The following GNB5 variants were observed in gnomAD, a reference collection of about 807,000 sequenced individuals.
GNB5 encodes the protein guanine nucleotide-binding protein subunit beta-5.
A neutral mutation model predicts 55.3 loss-of-function variants in GNB5; 37 were observed. The ratio of observed to expected loss-of-function variants is 0.67; its 90% confidence interval spans 0.51 to 0.88. The LOEUF (loss-of-function observed/expected upper bound fraction) is 0.88, where lower values mean the gene tolerates loss of function less well. Ranked by LOEUF, GNB5 falls within the 40% of genes least tolerant of loss-of-function variation. The pLI is 0.00. For synonymous variants in GNB5, 219 were observed against 198.5 expected (o/e 1.10, Z -0.87); for missense variants, 476 against 515.3 (o/e 0.92, Z 0.74).
chr15:52,135,471 G>A (rs2033679110), intron 8 of GNB5, 142 bp downstream of exon 8: 1 of 754,214 alleles, frequency 1.3e-6, no homozygotes, highest in African/African-American at 1.8e-5. Context: ...CAGGAGCTGG[G>A]GGTTTAGTGG....
chr15:52,173,747 A>T (rs1243764684), intron 3 of GNB5, among the ~76,000 whole-genome samples: 1 of 152,180 alleles, frequency 6.6e-6, no homozygotes, highest in Non-Finnish European at 1.5e-5. Context: ...GAGTAGCTAC[A>T]AAATCTTAGG....
intron 5 of GNB5, chr15:52,149,444 T>C: frequency 2.8e-6 from 1 of 356,796 alleles, no homozygotes; most frequent in Non-Finnish European, 5.1e-6. Context: ...CATCACAGGG[T>C]AGCTCTGCCC....
At chr15:52,128,813 G>T in intron 9 of GNB5, 1 of 446,602 alleles carries the variant, frequency 2.2e-6, no homozygotes, top group African/African-American at 2.0e-5. Flanking sequence ...AATTATTACT[G>T]CTATAGTCAT....
At chr15:52,158,266 G>A (rs1404079652) in intron 3 of GNB5, among the ~76,000 whole-genome samples, 2 of 152,042 alleles carry the variant, frequency 1.3e-5, no homozygotes, top group Non-Finnish European at 2.9e-5. Flanking sequence ...GTACTTTCTC[G>A]CCACCTCTCT....
At chr15:52,137,236 AG>A (rs1052615592) in intron 7 of GNB5, 24 of 1,162,890 alleles carry the variant, frequency 2.1e-5, no homozygotes, top group Admixed American at 4.3e-5. Context: ...TCGCTTGGGG[AG>A]TTGACATCAC....
intron 10 of GNB5, among the ~76,000 whole-genome samples, chr15:52,127,247 T>A (rs1175778006): frequency 6.6e-6 from 1 of 152,222 alleles, no homozygotes; most frequent in Admixed American, 6.5e-5. Flanking sequence ...AAAATGGGCA[T>A]CCGATGACTT....
At chr15:52,182,608 C>G (rs2034788005) in intron 2 of GNB5, among the ~76,000 whole-genome samples, 2 of 152,146 alleles carry the variant, frequency 1.3e-5, no homozygotes, top group African/African-American at 4.8e-5. Context: ...TTGAGGTCAG[C>G]TACATTCCAC....
At chr15:52,143,185 G>A (rs1249058371) in intron 6 of GNB5, among the ~76,000 whole-genome samples, 1 of 151,750 alleles carries the variant, frequency 6.6e-6, no homozygotes, top group Non-Finnish European at 1.5e-5. Context: ...AAAACAGAAT[G>A]TGTAGAGAAT....
intron 6 of GNB5, chr15:52,147,166 G>GTTT (rs540360753): frequency 6.1e-4 from 108 of 176,908 alleles, no homozygotes; most frequent in South Asian, 2.1e-3. Flanking sequence ...TTATGGTTTT[G>GTTT]TTTTTTTTTT....
At chr15:52,130,299 T>C (rs531523604) in intron 9 of GNB5, among the ~76,000 whole-genome samples, 1 of 152,314 alleles carries the variant, frequency 6.6e-6, no homozygotes, top group East Asian at 1.9e-4. Flanking sequence ...ACCTCAGCCT[T>C]GGGTGGACAT....
chr15:52,183,103 G>A (rs12441753), intron 2 of GNB5, among the ~76,000 whole-genome samples: 8,505 of 152,292 alleles, frequency 0.056, 843 homozygotes, highest in East Asian at 0.47. Flanking sequence ...AGTGAGCCGA[G>A]ATCGTGCCAC....
intron 2 of GNB5, chr15:52,181,285 A>G (rs989394349): frequency 6.6e-6 from 1 of 152,222 alleles, no homozygotes; most frequent in Non-Finnish European, 1.5e-5. Flanking sequence ...AAGCTTCTTC[A>G]TAGGATCTGC....
chr15:52,124,401 T>C, intron 12 of GNB5, 72 bp downstream of exon 12: 6 of 1,269,146 alleles, frequency 4.7e-6, no homozygotes, highest in Non-Finnish European at 5.6e-6. Context: ...TAGCCTTCCC[T>C]CTGCTTCAGA....
Position 52,162,498 on chromosome 15 carries a change from T to G in GNB5, c.239-8422A>C, listed in dbSNP as rs142900166. On this transcript the variant is annotated intron_variant, in intron 3 of 12. Coordinates refer to ENST00000261837, the MANE Select transcript of GNB5 (RefSeq NM_016194.4). ...GCATGAACAAGCTCTAAAATATCCG[T>G]GAAAATAAATACTCTGAAACCGACT... Among the ~76,000 whole-genome samples, 7 of 152,196 alleles carry G rather than the reference T, an allele frequency of 4.6e-5. No individual in the cohort carries two copies. In the East Asian group the frequency reaches 1.4e-3, roughly 29 times the overall value.
intron 5 of GNB5, among the ~76,000 whole-genome samples, chr15:52,147,803 G>A (rs957611290): frequency 1.3e-5 from 2 of 152,150 alleles, no homozygotes; most frequent in Admixed American, 6.5e-5. Flanking sequence ...GGCTGGTCTC[G>A]AACTCCTGAC....
chr15:52,125,131 G>A (rs988932111), intron 11 of GNB5: 1 of 153,180 alleles, frequency 6.5e-6, no homozygotes, highest in African/African-American at 2.4e-5. Flanking sequence ...TGTGTCTGGG[G>A]AAATGGAGTG....
intron 4 of GNB5, among the ~76,000 whole-genome samples, chr15:52,150,454 G>C (rs2034068793): frequency 6.6e-6 from 1 of 152,168 alleles, no homozygotes; most frequent in African/African-American, 2.4e-5. Context: ...GCCAGGGACA[G>C]CTGCGGAGGG....
chr15:52,150,816 G>T (rs1432832667), intron 4 of GNB5, among the ~76,000 whole-genome samples: 1 of 152,234 alleles, frequency 6.6e-6, no homozygotes. Flanking sequence ...TGGCATGCAG[G>T]TTGCTGGGCA....
intron 6 of GNB5, among the ~76,000 whole-genome samples, chr15:52,142,719 A>G (rs2033885707): frequency 6.6e-6 from 1 of 152,176 alleles, no homozygotes; most frequent in Non-Finnish European, 1.5e-5. Flanking sequence ...GTAGGGAACA[A>G]TATTTAAAAT....
Sources: gnomAD v4.1 joint callset for allele counts (sites outside exome capture counted in the v4.1 genomes callset) on GRCh38, gnomAD v4.1.1 for gene constraint, MANE v1.5 for transcripts, NCBI Gene and HGNC (gene_info 2026-07-23, HGNC 2026-07-21) for gene names.